Variants in MAST3 observed in about 807,000 individuals in gnomAD.
MAST3 encodes microtubule associated serine/threonine kinase 3.
Under a neutral mutation model 127.0 loss-of-function variants are expected in MAST3, and 43 were observed. That is an observed-to-expected ratio of 0.34 (90% CI 0.27 to 0.44). The LOEUF (loss-of-function observed/expected upper bound fraction) is 0.44. Ranked by LOEUF, MAST3 falls within the 20% of genes least tolerant of loss-of-function variation. The pLI, the probability that MAST3 is intolerant of heterozygous loss-of-function variation, is 1.00. For missense variants in MAST3, 1,390 were observed against 1,919.1 expected, an observed-to-expected ratio of 0.72 and a Z score of 5.15; for synonymous variants, 785 against 809.2, an observed-to-expected ratio of 0.97 and a Z score of 0.51.
chr19:18,113,306 A>G (rs1395268547), intron 3 of MAST3, among the ~76,000 whole-genome samples: 1 of 150,700 alleles, frequency 6.6e-6, no homozygotes, highest in Non-Finnish European at 1.5e-5. Flanking sequence ...TTTTTTTTTG[A>G]GACAGTCTCG....
intron 2 of MAST3, among the ~76,000 whole-genome samples, chr19:18,107,952 C>A (rs150826566): frequency 0.01 from 1,557 of 152,226 alleles, 27 homozygotes; most frequent in South Asian, 0.02. Flanking sequence ...GCTTGAATGC[C>A]TCTCATGACG....
chr19:18,131,108 C>G (rs1383626285), intron 14 of MAST3, among the ~76,000 whole-genome samples: 1 of 152,152 alleles, frequency 6.6e-6, no homozygotes, highest in Non-Finnish European at 1.5e-5. Flanking sequence ...GCTGCCCTGT[C>G]GGGGAGAATC....
At chr19:18,148,793 C>G (rs1241428157) in intron 27 of MAST3, among the ~76,000 whole-genome samples, 1 of 152,040 alleles carries the variant, frequency 6.6e-6, no homozygotes, top group Non-Finnish European at 1.5e-5. Flanking sequence ...GTCCCAGTTA[C>G]TTAGGGGGCC....
intron 15 of MAST3, among the ~76,000 whole-genome samples, chr19:18,133,412 C>G (rs2041538218): frequency 6.6e-6 from 1 of 152,074 alleles, no homozygotes; most frequent in South Asian, 2.1e-4. Flanking sequence ...CAGGGACAGT[C>G]TTTGTCGCCC....
chr19:18,118,245 G>T, intron 3 of MAST3: 1 of 985,426 alleles, frequency 1.0e-6, no homozygotes, highest in Non-Finnish European at 1.2e-6. Flanking sequence ...CTGCTGCAGC[G>T]CTCCAAGAGG....
At chr19:18,148,294 T>C (rs1024867738) in intron 27 of MAST3, among the ~76,000 whole-genome samples, 1 of 148,254 alleles carries the variant, frequency 6.7e-6, no homozygotes, top group African/African-American at 2.5e-5. Context: ...AGAGCAAAAC[T>C]CCATCTCAAA....
chr19:18,134,852 G>A lies in MAST3; in HGVS notation c.1740G>A (p.Val580=), dbSNP rs1432204007. The change falls in exon 17 of 28, where the codon GTG becomes GTA. Residue 580 remains valine (V), a synonymous_variant. Transcript: ENST00000687212. ...CGCCGGAGTACATAGCCCCCGAGGTGATCTTCCGCCAGGGCTATGGGAAGC... is the reference window on the plus strand; with the variant it reads ...CGCCGGAGTACATAGCCCCCGAGGTAATCTTCCGCCAGGGCTATGGGAAGC... The part of the protein sequence containing the change: ...CGTPEYIAPE[V]IFRQGYGKPV... The A allele has an allele frequency of 5.0e-6, 8 of 1,613,894 alleles. No individual in the cohort carries two copies. The South Asian group carries it at 7.7e-5, about 16-fold the overall frequency.
chr19:18,147,690 G>A, intron 27 of MAST3, 66 bp downstream of exon 27: 1 of 1,190,566 alleles, frequency 8.4e-7, no homozygotes, highest in Non-Finnish European at 1.2e-6. Flanking sequence ...GGCCCCAGGA[G>A]GGAGGAAGGA....
In MAST3 at chr19:18,102,670, C is replaced by T. The variant is rs190125920; in HGVS notation, c.39+4839C>T. Among the ~76,000 whole-genome samples, 10 of 152,166 alleles carry T rather than the reference C, an allele frequency of 6.6e-5. No homozygotes were observed. The East Asian group carries it at 1.2e-3, about 18-fold the overall frequency. On this transcript the variant is annotated intron_variant, in intron 1 of 27. Coordinates refer to ENST00000687212, the MANE Select transcript of MAST3 (RefSeq NM_001393504.1). Reference sequence around the variant, plus strand: ...CTAATTTTTGTATTTTAAGTAGAGACGGGGTTTCACTATGTTGGCCAGGCT... The same window carrying T: ...CTAATTTTTGTATTTTAAGTAGAGATGGGGTTTCACTATGTTGGCCAGGCT...
chr19:18,130,376 G>A (rs1266756855), intron 13 of MAST3, 118 bp from the exon 14 acceptor site: 2 of 873,276 alleles, frequency 2.3e-6, no homozygotes, highest in Non-Finnish European at 3.5e-6. Context: ...GGGTGGCCCA[G>A]GTGGAGGGCA....
At position 18,132,052 on chromosome 19, in the gene MAST3, G is replaced by A. The variant is rs1393509049; in HGVS notation, c.1571+5G>A. On this transcript the variant is annotated splice_donor_5th_base_variant and intron_variant, in intron 15 of 27. Transcript: ENST00000687212. ...CCGTGACCTCAAACCAGACAAGTGA[G>A]CTGAGCTAGCATGAGCGGGGCCTCG... 6.2e-7 allele frequency: 1 copy of A among 1,614,138 alleles called. No individual in the cohort carries two copies. Among genetic ancestry groups the A allele is most frequent in the Admixed American group, 1.7e-5 (1 of 60,030 alleles).
intron 20 of MAST3, among the ~76,000 whole-genome samples, chr19:18,139,717 T>C (rs1240957190): frequency 6.6e-6 from 1 of 152,226 alleles, no homozygotes; most frequent in East Asian, 1.9e-4. Context: ...CGCCTCGGCC[T>C]CCTAAAGCGC....
At chr19:18,121,259 C>T (rs528272575) in intron 3 of MAST3, among the ~76,000 whole-genome samples, 15 of 152,164 alleles carry the variant, frequency 9.9e-5, no homozygotes, top group African/African-American at 3.4e-4. Flanking sequence ...GAGGCTCAAG[C>T]GATCCTCTTG....
rs542735991 is a variant in MAST3, at chr19:18,109,590, G to C, written c.72-1062G>C. Among the ~76,000 whole-genome samples the C allele has an allele frequency of 3.9e-5, 6 of 152,276 alleles. No individual in the cohort carries two copies. In the East Asian group the frequency reaches 1.2e-3, roughly 29 times the overall value. On this transcript the variant is annotated intron_variant, in intron 2 of 27. Coordinates refer to ENST00000687212, the MANE Select transcript of MAST3 (RefSeq NM_001393504.1). The stretch of plus-strand genomic sequence containing the variant: ...GAGACACAGACACCCCCAGACCGTG[G>C]GGTTTGCGCTGAGAGGGAGGAAGGA...
chr19:18,116,090 C>T (rs1201668155), intron 3 of MAST3, among the ~76,000 whole-genome samples: 37 of 86,346 alleles, frequency 4.3e-4, no homozygotes, highest in Middle Eastern at 7.9e-3. Context: ...TTGAAATTAT[C>T]TTTTTTTTTT....
intron 19 of MAST3, among the ~76,000 whole-genome samples, chr19:18,138,222 A>C (rs1599851495): frequency 8.9e-6 from 1 of 112,936 alleles, no homozygotes. Flanking sequence ...AAAAAAAAAA[A>C]AAAAAAAGAT....
At chr19:18,118,037 G>T in intron 3 of MAST3, 4 of 881,724 alleles carry the variant, frequency 4.5e-6, no homozygotes, top group South Asian at 1.0e-4. Flanking sequence ...CCTTCTCGCC[G>T]CCCCCCCATC....
chr19:18,137,360 C>A lies in MAST3; in HGVS notation c.2094C>A (p.Asp698Glu). The A allele has an allele frequency of 1.2e-6, 2 of 1,612,972 alleles. No homozygotes were observed. The highest frequency in any genetic ancestry group is 1.7e-6 in the Non-Finnish European group (2 of 1,179,284). Residue 698 changes from aspartate (D) to glutamate (E), a missense_variant and splice_region_variant, in exon 19 of 28, where the codon GAC becomes GAA. Physicochemically the swap from Asp to Glu is conservative, Grantham distance 45 (BLOSUM62 2). Coordinates refer to ENST00000687212, the MANE Select transcript of MAST3 (RefSeq NM_001393504.1). Reference sequence around the variant, plus strand: ...CTGAGGATGATACCAGCTACTTTGACAGTAAGGAGGGATCCCCCTGGAGGG... The same window carrying A: ...CTGAGGATGATACCAGCTACTTTGAAAGTAAGGAGGGATCCCCCTGGAGGG... ...LEAEDDTSYFDTRSERYRHLG... is the reference protein window; with the variant it reads ...LEAEDDTSYFETRSERYRHLG...
At chr19:18,121,496 G>C (rs567098587) in intron 3 of MAST3, among the ~76,000 whole-genome samples, 189 bp from the exon 4 acceptor site, 2 of 152,380 alleles carry the variant, frequency 1.3e-5, no homozygotes, top group African/African-American at 4.8e-5. Flanking sequence ...GTTGAGGGGT[G>C]ATTCCCTCCT....
Sources: allele counts gnomAD v4.1 joint callset (sites outside exome capture counted in the v4.1 genomes callset), GRCh38; gene constraint gnomAD v4.1.1; transcripts MANE v1.5; gene names NCBI Gene and HGNC (gene_info 2026-07-23, HGNC 2026-07-21).